CFAP20DC: variants seen among roughly 807,000 people sequenced by gnomAD.
The protein encoded by CFAP20DC is CFAP20 domain containing.
CFAP20DC carries 84 observed loss-of-function variants against 101.7 expected under a neutral mutation model. The observed-to-expected ratio is 0.83, with a 90% CI of 0.69 to 0.99. CFAP20DC has a LOEUF of 0.99. Among genes scored for constraint, CFAP20DC ranks in the 50% least tolerant of loss-of-function variants. CFAP20DC has a pLI of 0.00. For missense variants in CFAP20DC, 1,007 were observed against 970.3 expected (o/e 1.04, Z -0.50); for synonymous variants, 359 against 351.2 (o/e 1.02, Z -0.25).
chr3:58,944,746 C>T (rs1418279745), intron 4 of CFAP20DC, among the ~76,000 whole-genome samples: 1 of 152,030 alleles, frequency 6.6e-6, no homozygotes, highest in Non-Finnish European at 1.5e-5. Context: ...TGCTTTAGAA[C>T]CTCTTCCTGC....
chr3:58,896,750 G>C (rs530480341), intron 6 of CFAP20DC, among the ~76,000 whole-genome samples: 1 of 152,116 alleles, frequency 6.6e-6, no homozygotes, highest in Non-Finnish European at 1.5e-5. Context: ...CTGAGGGACT[G>C]TTTGTTACAA....
rs2067478454 is a variant in CFAP20DC, at chr3:58,721,892, C to T, written c.198-4264G>A. Among the ~76,000 whole-genome samples the T allele has an allele frequency of 6.6e-6, 1 of 152,212 alleles. No homozygotes were observed. The highest frequency in any genetic ancestry group is 6.5e-5 in the Admixed American group (1 of 15,282). ...TCCTAAGATTGTGGCAACACGAACT[C>T]CCATCCCACAGGCCCTTCTGTGATG... is the stretch of plus-strand genomic sequence containing the variant. On this transcript the variant is annotated intron_variant, in intron 3 of 3. Coordinates refer to the CFAP20DC transcript ENST00000486145. This position sits in a 1 kb window ranked among gnomAD's most constrained non-coding sequence, Gnocchi z 5.2.
intron 4 of CFAP20DC, among the ~76,000 whole-genome samples, chr3:59,024,421 T>C (rs2109019312): frequency 6.6e-6 from 1 of 152,278 alleles, no homozygotes; most frequent in East Asian, 1.9e-4. Flanking sequence ...CAAGATCTCA[T>C]GGTCTATTTG....
intron 4 of CFAP20DC, chr3:59,018,290 T>C (rs2093730732): frequency 6.6e-6 from 1 of 152,158 alleles, no homozygotes. Flanking sequence ...CAGTAATAAT[T>C]AGTTCAGGCA....
intron 3 of CFAP20DC, among the ~76,000 whole-genome samples, chr3:59,041,076 A>T (rs1254882728): frequency 7.2e-5 from 11 of 152,124 alleles, no homozygotes; most frequent in Admixed American, 7.2e-4. Flanking sequence ...AACCATCCTC[A>T]ATGAATCTCT....
At chr3:58,921,201 A>G (rs2085330810) in intron 5 of CFAP20DC, among the ~76,000 whole-genome samples, 2 of 151,958 alleles carry the variant, frequency 1.3e-5, no homozygotes, top group African/African-American at 4.8e-5. Context: ...CAAAGAACCA[A>G]TTTTTGGTTT....
At chr3:58,953,416 C>T (rs766505614) in intron 4 of CFAP20DC, 13 of 152,110 alleles carry the variant, frequency 8.5e-5, no homozygotes, top group Non-Finnish European at 1.6e-4. Flanking sequence ...ATTATGGCTC[C>T]GATGTCTGGA....
rs1465068707 is a variant in CFAP20DC, at chr3:59,015,166, G to C, written c.278+24391C>G. 1.3e-5 allele frequency among the ~76,000 whole-genome samples: 2 copies of C among 152,052 alleles called. No homozygotes were observed. Among genetic ancestry groups the C allele is most frequent in the Non-Finnish European group, 2.9e-5 (2 of 67,992 alleles). ...GCAGGCTTGGACCCTGAATAATCCTGCAGGTGCCTTGGGTGTCTAAAGATG... is the reference window on the plus strand; with the variant it reads ...GCAGGCTTGGACCCTGAATAATCCTCCAGGTGCCTTGGGTGTCTAAAGATG... On this transcript the variant is annotated intron_variant, in intron 4 of 16. Transcript: ENST00000482387. The surrounding 1 kb of genome is among the most constrained non-coding windows in gnomAD (Gnocchi z 5.4).
At chr3:58,979,342 C>A (rs1483601985) in intron 4 of CFAP20DC, among the ~76,000 whole-genome samples, 1 of 152,142 alleles carries the variant, frequency 6.6e-6, no homozygotes, top group African/African-American at 2.4e-5. Flanking sequence ...TGTAAAATTG[C>A]TATAAGGATT....
chr3:59,012,672 G>A (rs972513998), intron 4 of CFAP20DC, among the ~76,000 whole-genome samples: 3 of 152,154 alleles, frequency 2.0e-5, no homozygotes, highest in Non-Finnish European at 2.9e-5. Context: ...TTATAAAACT[G>A]CATTATAATT....
intron 4 of CFAP20DC, among the ~76,000 whole-genome samples, chr3:58,963,278 T>C (rs1272563513): frequency 1.3e-5 from 2 of 150,954 alleles, no homozygotes; most frequent in African/African-American, 2.4e-5. Flanking sequence ...TAAGAGTTGA[T>C]GTCCATAGTC....
At chr3:58,833,362 CAAG>C (rs1457818080) in intron 13 of CFAP20DC, among the ~76,000 whole-genome samples, 10 of 151,534 alleles carry the variant, frequency 6.6e-5, no homozygotes, top group Non-Finnish European at 1.3e-4. Context: ...ATACGTATCA[CAAG>C]AAGAAGAATA....
In CFAP20DC at chr3:58,795,322, C is replaced by G. The variant is rs898158338; in HGVS notation, c.2237+11073G>C. 6.6e-6 allele frequency among the ~76,000 whole-genome samples: 1 copy of G among 152,208 alleles called. No individual in the cohort carries two copies. The highest frequency in any genetic ancestry group is 2.4e-5 in the African/African-American group (1 of 41,450). ...GGGGAGGCTTCAGTAATCTCAGGAG[C>G]CCCGCTCTCCACTGGTTAAAGATGT... On this transcript the variant is annotated intron_variant, in intron 15 of 16. Coordinates refer to ENST00000482387, the MANE Select transcript of CFAP20DC (RefSeq NM_001394063.1). This position sits in a 1 kb window ranked among gnomAD's most constrained non-coding sequence, Gnocchi z 4.2.
At chr3:58,747,588 T>C (rs2068293420) in intron 16 of CFAP20DC, among the ~76,000 whole-genome samples, 1 of 152,202 alleles carries the variant, frequency 6.6e-6, no homozygotes, top group African/African-American at 2.4e-5. Flanking sequence ...ATGTATTTTC[T>C]CTCCTATAGA....
Position 58,743,657 on chromosome 3 carries a change from G to C in CFAP20DC, c.2333-1085C>G, listed in dbSNP as rs76500712. 3.5e-4 allele frequency among the ~76,000 whole-genome samples: 54 copies of C among 152,270 alleles called. No homozygotes were observed. In the East Asian group the frequency reaches 0.01, roughly 28 times the overall value. On this transcript the variant is annotated intron_variant, in intron 16 of 16. Transcript: ENST00000482387. ...TCATAATAGAGGTGCAATAAAAATGGAATGTTTGTTGAAGGTGTAAATAAA... is the reference window on the plus strand; with the variant it reads ...TCATAATAGAGGTGCAATAAAAATGCAATGTTTGTTGAAGGTGTAAATAAA...
intron 6 of CFAP20DC, among the ~76,000 whole-genome samples, chr3:58,893,339 C>T (rs967095916): frequency 2.6e-5 from 4 of 152,108 alleles, no homozygotes; most frequent in South Asian, 4.1e-4. Flanking sequence ...CCACCGTGCC[C>T]GGCCAAAGGA....
intron 14 of CFAP20DC, among the ~76,000 whole-genome samples, chr3:58,811,938 A>C (rs1232236674): frequency 6.6e-6 from 1 of 152,200 alleles, no homozygotes; most frequent in Non-Finnish European, 1.5e-5. Context: ...TATGCAGCCA[A>C]AAAACACATG....
chr3:58,727,855 A>G (rs991878628), intron 3 of CFAP20DC: 1 of 152,180 alleles, frequency 6.6e-6, no homozygotes, highest in Admixed American at 6.5e-5. Flanking sequence ...CCGTTCTGGG[A>G]TGCAGGCTGA....
chr3:58,762,365 C>T (rs999024913), intron 15 of CFAP20DC, among the ~76,000 whole-genome samples: 20 of 152,146 alleles, frequency 1.3e-4, no homozygotes, highest in Non-Finnish European at 2.9e-5. Flanking sequence ...GCAACCCCCG[C>T]ATTTTTTTGT....
Sources: allele counts gnomAD v4.1 joint callset (sites outside exome capture counted in the v4.1 genomes callset), GRCh38; gene constraint gnomAD v4.1.1; non-coding constraint Gnocchi (gnomAD v3.1); transcripts MANE v1.5; gene names NCBI Gene and HGNC (gene_info 2026-07-23, HGNC 2026-07-21).